RNF145: variants seen among roughly 807,000 people sequenced by gnomAD.
RNF145 encodes the protein ring finger protein 145.
In RNF145, 12 loss-of-function variants were observed where a neutral mutation model predicts 57.3. The observed-to-expected ratio is 0.21, with a 90% CI of 0.13 to 0.34. The LOEUF (loss-of-function observed/expected upper bound fraction) is 0.34, where lower values mean the gene tolerates loss of function less well. Ranked by LOEUF, RNF145 falls within the 10% of genes least tolerant of loss-of-function variation. RNF145 has a pLI of 1.00. For missense variants in RNF145, 429 were observed against 799.0 expected (o/e 0.54, Z 5.58); for synonymous variants, 262 against 288.3 (o/e 0.91, Z 0.92).
chr5:159,200,735 T>G (rs901536718), intron 2 of RNF145, among the ~76,000 whole-genome samples: 1 of 152,168 alleles, frequency 6.6e-6, no homozygotes, highest in Non-Finnish European at 1.5e-5. Context: ...TCACAAAGGA[T>G]TAATTTCCCT....
At chr5:159,207,892 G>A (rs1382678067) in intron 1 of RNF145, 7 of 1,613,038 alleles carry the variant, frequency 4.3e-6, no homozygotes, top group African/African-American at 1.3e-5. Flanking sequence ...TGCTACCTCT[G>A]CCATCGGCCG....
chr5:159,192,649 T>C (rs1785325506), intron 3 of RNF145, among the ~76,000 whole-genome samples: 1 of 152,198 alleles, frequency 6.6e-6, no homozygotes, highest in Non-Finnish European at 1.5e-5. Flanking sequence ...TGTCAGAAAC[T>C]GTGGTAAGAG....
At position 159,201,550 on chromosome 5, in the gene RNF145, AAG is replaced by A. The variant is rs534419604; in HGVS notation, c.184+1882_184+1883del. Among the ~76,000 whole-genome samples, 278 of 152,300 alleles carry A rather than the reference AAG, an allele frequency of 1.8e-3. 1 individual carries two copies. The highest frequency in any genetic ancestry group is 6.3e-3 in the African/African-American group (262 of 41,562). On this transcript the variant is annotated intron_variant, in intron 2 of 10. Coordinates refer to ENST00000424310, the MANE Select transcript of RNF145 (RefSeq NM_001199383.2). ...AGAAATGAGGCCTCGATATCTACTCAAGAGAGTCTTTAAGATCCGGCAGACTG... is the reference window on the plus strand; with the variant it reads ...AGAAATGAGGCCTCGATATCTACTCAAGAGTCTTTAAGATCCGGCAGACTG...
In RNF145 at chr5:159,182,057, T is replaced by C. The variant is rs1007446773; in HGVS notation, c.294-6A>G. The C allele has an allele frequency of 1.3e-6, 2 of 1,547,692 alleles. No individual in the cohort carries two copies. Among genetic ancestry groups the C allele is most frequent in the Non-Finnish European group, 1.8e-6 (2 of 1,120,708 alleles). ...GTTCACTCCGAACATAGTCCCTAAA[T>C]AAGAAAATTGATTAGAATGTATATA... On this transcript the variant is annotated splice_region_variant and splice_polypyrimidine_tract_variant and intron_variant, in intron 3 of 10. Transcript: ENST00000424310.
chr5:159,204,369 C>G (rs1785785734), intron 1 of RNF145, among the ~76,000 whole-genome samples: 1 of 150,234 alleles, frequency 6.7e-6, no homozygotes, highest in African/African-American at 2.5e-5. Flanking sequence ...TGTCTCTGCA[C>G]AGACCATGAT....
chr5:159,203,979 T>C (rs1562078344), intron 1 of RNF145, among the ~76,000 whole-genome samples: 2 of 152,222 alleles, frequency 1.3e-5, no homozygotes, highest in Admixed American at 6.5e-5. Flanking sequence ...TAAAATTAAC[T>C]TGAAAAATTC....
chr5:159,208,990 C>G (rs1040480465), intron 1 of RNF145, among the ~76,000 whole-genome samples: 1 of 148,290 alleles, frequency 6.7e-6, no homozygotes, highest in Non-Finnish European at 1.5e-5. Flanking sequence ...AGAGCAGGGT[C>G]GGAGGGAGGC....
intron 8 of RNF145, among the ~76,000 whole-genome samples, chr5:159,164,915 A>C (rs1784343544): frequency 6.6e-6 from 1 of 152,250 alleles, no homozygotes; most frequent in East Asian, 1.9e-4. Context: ...GTATTTATGA[A>C]GATTTTCCCT....
At chr5:159,178,379 T>C (rs985086335) in intron 4 of RNF145, among the ~76,000 whole-genome samples, 13 of 151,978 alleles carry the variant, frequency 8.6e-5, no homozygotes, top group African/African-American at 2.4e-4. Context: ...TTTAGGTCTA[T>C]ATAAGAACTT....
chr5:159,176,859 C>T lies in RNF145; in HGVS notation c.394G>A (p.Val132Met). ...ACACAGGAGCATAAAGTACACACCA[C>T]CAACTGACCTAAAATAGGGAATAGA... ...RFTTALIGQL[V>M]VCTLCSCVMK... The change falls in exon 5 of 11, where the codon GTG becomes ATG. Residue 132 changes from valine (V) to methionine (M), a missense_variant. Around this residue, in one of 4 missense-constraint regions of RNF145, gnomAD observed 109 missense variants for 207.2 expected, o/e 0.53. Transcript: ENST00000424310. 2 of 1,601,666 alleles carry T rather than the reference C, an allele frequency of 1.2e-6. No homozygotes were observed. Among genetic ancestry groups the T allele is most frequent in the Non-Finnish European group, 1.7e-6 (2 of 1,170,988 alleles).
intron 7 of RNF145, 62 bp downstream of exon 7, chr5:159,169,617 A>G: frequency 7.5e-7 from 1 of 1,332,506 alleles, no homozygotes; most frequent in East Asian, 2.6e-5. Flanking sequence ...GAAATTCATC[A>G]TTACTTCCTC....
At chr5:159,163,311 AAT>A (rs1180609969) in intron 8 of RNF145, among the ~76,000 whole-genome samples, 2 of 152,182 alleles carry the variant, frequency 1.3e-5, no homozygotes, top group Non-Finnish European at 2.9e-5. Context: ...TTTGTTCCTC[AAT>A]AGTTTGCTTT....
Position 159,182,068 on chromosome 5 carries a change from AT to A in RNF145, c.294-18del. 7.0e-7 allele frequency: 1 copy of A among 1,424,128 alleles called. No homozygotes were observed. The highest frequency in any genetic ancestry group is 9.9e-7 in the Non-Finnish European group (1 of 1,007,976). The allele number at this position is 1,424,128 out of a possible 1,614,324, so 88.2% of individuals were successfully genotyped here. A position where few individuals can be genotyped will look rare whatever the true frequency, so the allele number is the denominator to read the frequency against. Reference sequence around the variant, plus strand: ...ACATAGTCCCTAAATAAGAAAATTGATTAGAATGTATATATTAGATACATTC... The same window carrying A: ...ACATAGTCCCTAAATAAGAAAATTGATAGAATGTATATATTAGATACATTC... On this transcript the variant is annotated intron_variant, in intron 3 of 10. Transcript: ENST00000424310.
At chr5:159,188,064 T>C (rs946902671) in intron 3 of RNF145, among the ~76,000 whole-genome samples, 1 of 152,186 alleles carries the variant, frequency 6.6e-6, no homozygotes, top group Middle Eastern at 3.4e-3. Flanking sequence ...TGTTGGTTCA[T>C]AAATCTAACA....
chr5:159,208,825 C>A (rs1237716702), intron 1 of RNF145, among the ~76,000 whole-genome samples: 1 of 147,688 alleles, frequency 6.8e-6, no homozygotes, highest in Non-Finnish European at 1.5e-5. Context: ...AAATGGGATG[C>A]TGGGGAGGCA....
chr5:159,184,721 C>G (rs1282618457), intron 3 of RNF145, among the ~76,000 whole-genome samples: 2 of 152,142 alleles, frequency 1.3e-5, no homozygotes, highest in Non-Finnish European at 2.9e-5. Context: ...TTTACTTCTC[C>G]TATTTCATAT....
At chr5:159,207,887 C>T in intron 1 of RNF145, 2 of 1,613,628 alleles carry the variant, frequency 1.2e-6, no homozygotes, top group Non-Finnish European at 1.7e-6. Flanking sequence ...AAAACTGCTA[C>T]CTCTGCCATC....
chr5:159,201,616 A>G (rs563855347), intron 2 of RNF145, among the ~76,000 whole-genome samples: 1 of 152,320 alleles, frequency 6.6e-6, no homozygotes, highest in South Asian at 2.1e-4. Context: ...TATTTCATAA[A>G]TATCTAAAAG....
intron 3 of RNF145, among the ~76,000 whole-genome samples, chr5:159,185,981 T>C (rs377106311): frequency 2.0e-5 from 3 of 152,146 alleles, no homozygotes; most frequent in African/African-American, 7.2e-5. Flanking sequence ...CCCAGCACTT[T>C]GGGAGGCCGA....
Sources: gnomAD v4.1 joint callset for allele counts (sites outside exome capture counted in the v4.1 genomes callset) on GRCh38, gnomAD v4.1.1 for gene constraint, gnomAD v4.1.1 regional missense constraint, MANE v1.5 for transcripts, NCBI Gene and HGNC (gene_info 2026-07-23, HGNC 2026-07-21) for gene names.